Variants in DIP2B observed in about 807,000 individuals in gnomAD.
The protein encoded by DIP2B is disco-interacting protein 2 homolog B.
Under a neutral mutation model 198.0 loss-of-function variants are expected in DIP2B, and 76 were observed. The observed-to-expected ratio is 0.38, with a 90% confidence interval of 0.32 to 0.46. The LOEUF (loss-of-function observed/expected upper bound fraction) is 0.46, where lower values mean the gene tolerates loss of function less well. Among genes scored for constraint, DIP2B ranks in the 20% least tolerant of loss-of-function variants. DIP2B has a pLI of 0.99. For missense variants in DIP2B, 1,559 were observed against 1,978.4 expected (o/e 0.79, Z 4.02); for synonymous variants, 701 against 739.1 (o/e 0.95, Z 0.84).
intron 4 of DIP2B, among the ~76,000 whole-genome samples, chr12:50,662,802 T>G (rs1938675330): frequency 6.6e-6 from 1 of 152,126 alleles, no homozygotes; most frequent in Non-Finnish European, 1.5e-5. Context: ...AAAAATGAGC[T>G]TCTGGCCAGC....
At chr12:50,507,584 C>T (rs1957978800) in intron 1 of DIP2B, among the ~76,000 whole-genome samples, 1 of 152,190 alleles carries the variant, frequency 6.6e-6, no homozygotes, top group Non-Finnish European at 1.5e-5. Context: ...TGGAGTCTCA[C>T]ACTGTTGCCC....
At chr12:50,693,061 A>G (rs759239600) in intron 14 of DIP2B, 48 bp downstream of exon 14, 6 of 1,547,548 alleles carry the variant, frequency 3.9e-6, no homozygotes, top group Middle Eastern at 1.7e-4. Context: ...TGCTTGAGAT[A>G]AGGCCAGCAT....
intron 1 of DIP2B, among the ~76,000 whole-genome samples, chr12:50,567,788 A>C (rs1219808235): frequency 6.6e-6 from 1 of 152,186 alleles, no homozygotes; most frequent in Non-Finnish European, 1.5e-5. Context: ...TTGGCTTCCC[A>C]AAGTGCTGGG....
At chr12:50,620,114 G>T (rs969078468) in intron 1 of DIP2B, among the ~76,000 whole-genome samples, 1 of 152,160 alleles carries the variant, frequency 6.6e-6, no homozygotes, top group African/African-American at 2.4e-5. Flanking sequence ...CTCAGATGTG[G>T]TTCTGTCTAG....
At chr12:50,603,174 A>T (rs150433346) in intron 1 of DIP2B, among the ~76,000 whole-genome samples, 1,836 of 151,668 alleles carry the variant, frequency 0.012, 20 homozygotes, top group African/African-American at 0.025. Flanking sequence ...AAAAAAAAAA[A>T]AATAATAATA....
At chr12:50,558,213 A>T (rs954774392) in intron 1 of DIP2B, among the ~76,000 whole-genome samples, 1 of 152,168 alleles carries the variant, frequency 6.6e-6, no homozygotes, top group Non-Finnish European at 1.5e-5. Context: ...AATATTCACA[A>T]ATTTCAAGAT....
At chr12:50,519,759 CAT>C (rs1258815033) in intron 1 of DIP2B, among the ~76,000 whole-genome samples, 1 of 150,858 alleles carries the variant, frequency 6.6e-6, no homozygotes, top group Non-Finnish European at 1.5e-5. Context: ...TATAAATGAA[CAT>C]AGATGCTTCT....
intron 1 of DIP2B, among the ~76,000 whole-genome samples, chr12:50,557,171 C>G (rs1309430958): frequency 2.0e-5 from 3 of 152,142 alleles, no homozygotes; most frequent in Non-Finnish European, 4.4e-5. Flanking sequence ...AATCACTGAG[C>G]CTTGATTCTT....
intron 3 of DIP2B, among the ~76,000 whole-genome samples, chr12:50,657,637 AAAG>A (rs1024239330): frequency 7.2e-5 from 11 of 152,282 alleles, no homozygotes; most frequent in East Asian, 1.9e-4. Flanking sequence ...ACAAAAAAAA[AAAG>A]AAGAAGACAA....
rs1489405152 is a variant in DIP2B at position 50,724,767 on chromosome 12, T to A, written c.3289-8T>A. ...CCTGATGCTTATTGCTGTCCATTTG[T>A]TTTCTAGGTCAGCAAAGCAGCCTGT... On this transcript the variant is annotated splice_polypyrimidine_tract_variant and splice_region_variant and intron_variant, in intron 27 of 37. Coordinates refer to ENST00000301180, the MANE Select transcript of DIP2B (RefSeq NM_173602.3). 1 of 1,613,430 alleles carries A rather than the reference T, an allele frequency of 6.2e-7. No homozygotes were observed. Among genetic ancestry groups the A allele is most frequent in the South Asian group, 1.1e-5 (1 of 91,066 alleles).
chr12:50,583,272 C>A (rs952295426), intron 1 of DIP2B, among the ~76,000 whole-genome samples: 4 of 148,652 alleles, frequency 2.7e-5, no homozygotes, highest in African/African-American at 9.9e-5. Context: ...CAGAGTGATA[C>A]CCTCATCTTC....
At chr12:50,705,038 C>T (rs1407989579) in intron 20 of DIP2B, among the ~76,000 whole-genome samples, 1 of 152,054 alleles carries the variant, frequency 6.6e-6, no homozygotes, top group Non-Finnish European at 1.5e-5. Context: ...ACATTAAAAG[C>T]CTGTTCTCAA....
chr12:50,547,250 T>A (rs1258432726), intron 1 of DIP2B, among the ~76,000 whole-genome samples: 1 of 152,212 alleles, frequency 6.6e-6, no homozygotes, highest in Non-Finnish European at 1.5e-5. Flanking sequence ...AACAGTGAAA[T>A]ATTTCTGGGA....
intron 1 of DIP2B, among the ~76,000 whole-genome samples, chr12:50,571,897 T>C (rs1958618564): frequency 6.6e-6 from 1 of 152,190 alleles, no homozygotes; most frequent in Non-Finnish European, 1.5e-5. Flanking sequence ...AACTTTAACA[T>C]ACAGCCAGGC....
At chr12:50,533,553 A>G (rs1467881450) in intron 1 of DIP2B, among the ~76,000 whole-genome samples, 2 of 152,136 alleles carry the variant, frequency 1.3e-5, no homozygotes, top group African/African-American at 4.8e-5. Context: ...GATTTCACCT[A>G]CAGGAAGTTG....
Position 50,531,510 on chromosome 12 carries a change from A to G in DIP2B, c.100+26270A>G, listed in dbSNP as rs1316631524. 2.6e-5 allele frequency among the ~76,000 whole-genome samples: 4 copies of G among 152,218 alleles called. No individual in the cohort carries two copies. In the East Asian group the frequency reaches 7.7e-4, roughly 29 times the overall value. Reference sequence around the variant, plus strand: ...AGGAGTATTAAGTGTCTCTTGTTGCATAGAGTTTGAGACTAGGACTGAGAA... The same window carrying G: ...AGGAGTATTAAGTGTCTCTTGTTGCGTAGAGTTTGAGACTAGGACTGAGAA... On this transcript the variant is annotated intron_variant, in intron 1 of 37. Coordinates refer to ENST00000301180, the MANE Select transcript of DIP2B (RefSeq NM_173602.3).
intron 4 of DIP2B, among the ~76,000 whole-genome samples, chr12:50,670,614 A>G (rs963009911): frequency 2.0e-5 from 3 of 151,956 alleles, no homozygotes; most frequent in African/African-American, 7.3e-5. Flanking sequence ...ATGGGGTTTC[A>G]CCGTGTTGGC....
At chr12:50,610,654 C>T (rs1241764908) in intron 1 of DIP2B, among the ~76,000 whole-genome samples, 23 of 151,856 alleles carry the variant, frequency 1.5e-4, no homozygotes, top group African/African-American at 4.6e-4. Flanking sequence ...TACAGGCGCC[C>T]GCCGCCATGC....
chr12:50,721,564 C>A (rs557686695), intron 26 of DIP2B, among the ~76,000 whole-genome samples, 168 bp downstream of exon 26: 3 of 152,326 alleles, frequency 2.0e-5, no homozygotes, highest in African/African-American at 7.2e-5. Flanking sequence ...CCTCACCCCC[C>A]AAGTTGTGCA....
Sources: allele counts gnomAD v4.1 joint callset (sites outside exome capture counted in the v4.1 genomes callset), GRCh38; gene constraint gnomAD v4.1.1; transcripts MANE v1.5; gene names NCBI Gene and HGNC (gene_info 2026-07-23, HGNC 2026-07-21).